TMEM267: variants seen among roughly 807,000 people sequenced by gnomAD.
TMEM267 encodes the protein transmembrane protein C5orf28.
A neutral mutation model predicts 19.3 loss-of-function variants in TMEM267; 20 were observed. The observed-to-expected ratio is 1.04, with a 90% CI of 0.73 to 1.51. The LOEUF is 1.51. TMEM267 is among the 40% of genes most tolerant of loss of function. TMEM267 has a pLI of 0.00. For missense variants in TMEM267, 242 were observed against 261.9 expected, an observed-to-expected ratio of 0.92 and a Z score of 0.52; for synonymous variants, 88 against 90.3, an observed-to-expected ratio of 0.97 and a Z score of 0.15.
intron 2 of TMEM267, among the ~76,000 whole-genome samples, chr5:43,449,672 T>C (rs1267379230): frequency 6.6e-6 from 1 of 152,214 alleles, no homozygotes; most frequent in Non-Finnish European, 1.5e-5. Context: ...AAAAGCACTT[T>C]TATGTACTAT....
At chr5:43,458,691 A>C (rs1175075065) in intron 1 of TMEM267, among the ~76,000 whole-genome samples, 1 of 152,200 alleles carries the variant, frequency 6.6e-6, no homozygotes, top group Admixed American at 6.5e-5. Flanking sequence ...TACTCCAACA[A>C]AGATGTTAAA....
chr5:43,482,351 T>C (rs946463569), intron 1 of TMEM267, among the ~76,000 whole-genome samples: 1 of 152,228 alleles, frequency 6.6e-6, no homozygotes, highest in Non-Finnish European at 1.5e-5. Flanking sequence ...ATTTACTAAG[T>C]GTTCTTCCTG....
At chr5:43,475,365 G>A (rs941179219) in intron 1 of TMEM267, among the ~76,000 whole-genome samples, 1 of 152,024 alleles carries the variant, frequency 6.6e-6, no homozygotes, top group Non-Finnish European at 1.5e-5. Flanking sequence ...GGGAATACCA[G>A]GGCCTATAGG....
chr5:43,451,620 A>T (rs1018601890), intron 2 of TMEM267, among the ~76,000 whole-genome samples: 2 of 152,354 alleles, frequency 1.3e-5, no homozygotes, highest in South Asian at 2.1e-4. Context: ...AAGGATGCAG[A>T]GAAAAGGGAA....
chr5:43,451,571 T>C (rs1195535635), intron 2 of TMEM267, among the ~76,000 whole-genome samples: 2 of 152,078 alleles, frequency 1.3e-5, no homozygotes, highest in Non-Finnish European at 2.9e-5. Context: ...ACCATCAGAA[T>C]GGCTATTATT....
chr5:43,481,795 A>C (rs957712114), intron 1 of TMEM267, among the ~76,000 whole-genome samples: 7 of 152,030 alleles, frequency 4.6e-5, no homozygotes, highest in Non-Finnish European at 8.8e-5. Flanking sequence ...ACCGCCAGCT[A>C]AGTCTTGACC....
At position 43,450,148 on chromosome 5, in the gene TMEM267, C is replaced by T. The variant is rs183657412; in HGVS notation, c.312+3510G>A. On this transcript the variant is annotated intron_variant, in intron 2 of 2. Coordinates refer to ENST00000397080, the MANE Select transcript of TMEM267 (RefSeq NM_022483.5). ...TAGGTGGAACTATAGGCATACACCA[C>T]CATGCCGGGCTAGTTTTTTATTTTT... 3.9e-5 allele frequency among the ~76,000 whole-genome samples: 6 copies of T among 152,112 alleles called. No individual in the cohort carries two copies. The East Asian group carries it at 1.2e-3, about 29-fold the overall frequency.
chr5:43,484,366 G>C (rs1744997472), upstream of TMEM267: 1 of 152,260 alleles, frequency 6.6e-6, no homozygotes, highest in African/African-American at 2.4e-5. Context: ...CTTTTCACCA[G>C]ACTGAGGGAC....
chr5:43,470,630 A>C (rs1744009540), intron 1 of TMEM267, among the ~76,000 whole-genome samples: 1 of 152,228 alleles, frequency 6.6e-6, no homozygotes, highest in Non-Finnish European at 1.5e-5. Context: ...TTTTATGTTC[A>C]CAACACCAAA....
Position 43,446,427 on chromosome 5 carries a change from A to G in TMEM267, c.443T>C (p.Leu148Ser), listed in dbSNP as rs780758109. ...KDSWCFLPWM[L>S]FISWTSHHIR... ...ATGATGTGAAGTCCAGGATATAAAT[A>G]ACATCCAGGGAAGAAAGCACCATGA... Residue 148 changes from leucine (L) to serine (S), a missense_variant, in exon 3 of 3, where the codon TTA becomes TCA. By Grantham distance (145) the Leu-to-Ser change is moderately radical. Coordinates refer to ENST00000397080, the MANE Select transcript of TMEM267 (RefSeq NM_022483.5). 1.5e-5 allele frequency: 24 copies of G among 1,613,750 alleles called. No individual in the cohort carries two copies. The highest frequency in any genetic ancestry group is 2.0e-5 in the Non-Finnish European group (24 of 1,179,736).
At chr5:43,460,304 G>C (rs941988333) in intron 1 of TMEM267, among the ~76,000 whole-genome samples, 1 of 152,062 alleles carries the variant, frequency 6.6e-6, no homozygotes, top group African/African-American at 2.4e-5. Flanking sequence ...TGGGGGTGGG[G>C]ACTCCTGCTA....
Position 43,446,055 on chromosome 5 carries a change from T to C in TMEM267, c.*167A>G. 3 of 474,574 alleles carry C rather than the reference T, an allele frequency of 6.3e-6. No individual in the cohort carries two copies. Among genetic ancestry groups the C allele is most frequent in the Non-Finnish European group, 1.1e-5 (3 of 270,310 alleles). The allele number at this position is 474,574 out of a possible 1,614,324, so 29.4% of individuals were successfully genotyped here. ...AAGAGAGAAGTAGAATAATAACAAG[T>C]ATAATTTTTAAAAAAGTTGTATACA... On this transcript the variant is annotated 3_prime_UTR_variant, in exon 3 of 3. Coordinates refer to ENST00000397080, the MANE Select transcript of TMEM267 (RefSeq NM_022483.5).
chr5:43,482,228 A>G (rs1744829976), intron 1 of TMEM267, among the ~76,000 whole-genome samples: 1 of 151,446 alleles, frequency 6.6e-6, no homozygotes, highest in African/African-American at 2.4e-5. Context: ...TCTATTTTTA[A>G]GGAAGGTATA....
chr5:43,452,584 A>AT (rs577582613), intron 2 of TMEM267, among the ~76,000 whole-genome samples: 3,965 of 105,006 alleles, frequency 0.038, 88 homozygotes, highest in Middle Eastern at 0.093. Context: ...CCCTAAATCC[A>AT]TAAAAAAAAA....
At chr5:43,464,607 G>T (rs2112121611) in intron 1 of TMEM267, among the ~76,000 whole-genome samples, 1 of 152,364 alleles carries the variant, frequency 6.6e-6, no homozygotes, top group South Asian at 2.1e-4. Flanking sequence ...CCAAAACAGA[G>T]ATATAGATCA....
chr5:43,468,793 A>G (rs1743903341), intron 1 of TMEM267, among the ~76,000 whole-genome samples: 1 of 152,236 alleles, frequency 6.6e-6, no homozygotes, highest in Non-Finnish European at 1.5e-5. Flanking sequence ...TCTTTTCCTC[A>G]GCACATGGAT....
chr5:43,461,914 T>A (rs920932076), intron 1 of TMEM267, among the ~76,000 whole-genome samples: 2 of 152,150 alleles, frequency 1.3e-5, no homozygotes, highest in Non-Finnish European at 2.9e-5. Context: ...TACTGGCTGA[T>A]TGTAGAGTCC....
In TMEM267 at chr5:43,482,338, G is replaced by C. The variant is rs1744836195; in HGVS notation, c.-75+1484C>G. On this transcript the variant is annotated intron_variant, in intron 1 of 2. Coordinates refer to ENST00000397080, the MANE Select transcript of TMEM267 (RefSeq NM_022483.5). ...TCAGAGTCTGAGTATTAGAAAAAGA[G>C]AAATTTACTAAGTGTTCTTCCTGTA... 2.0e-5 allele frequency among the ~76,000 whole-genome samples: 3 copies of C among 152,204 alleles called. No homozygotes were observed. The South Asian group carries it at 6.2e-4, about 32-fold the overall frequency.
chr5:43,453,665 G>C lies in TMEM267; in HGVS notation c.305C>G (p.Ser102Cys). 6.2e-7 allele frequency: 1 copy of C among 1,612,980 alleles called. No individual in the cohort carries two copies. Among genetic ancestry groups the C allele is most frequent in the Non-Finnish European group, 8.5e-7 (1 of 1,179,604 alleles). The change falls in exon 2 of 3, where the codon TCT becomes TGT. Residue 102 changes from serine to cysteine, a missense_variant. Ser to Cys is a moderately radical substitution (Grantham distance 112, BLOSUM62 -1). Coordinates refer to ENST00000397080, the MANE Select transcript of TMEM267 (RefSeq NM_022483.5). ...TAAGCCTATGCTTTTTACCTTTAAA[G>C]ACATGGATCCAGCTAGAAAAAAGTG... ...VDHFFLAGSMSLKAALTLPRR... is the reference protein window; with the variant it reads ...VDHFFLAGSMCLKAALTLPRR...
Sources: gnomAD v4.1 joint callset for allele counts (sites outside exome capture counted in the v4.1 genomes callset) on GRCh38, gnomAD v4.1.1 for gene constraint, MANE v1.5 for transcripts, NCBI Gene and HGNC (gene_info 2026-07-23, HGNC 2026-07-21) for gene names.